Variants in TMEFF2 observed in about 807,000 individuals in gnomAD.
TMEFF2 encodes the protein tomoregulin-2.
TMEFF2 carries 28 observed loss-of-function variants against 53.8 expected under a neutral mutation model. The ratio of observed to expected loss-of-function variants is 0.52; its 90% CI spans 0.39 to 0.71. The LOEUF (loss-of-function observed/expected upper bound fraction) is 0.71. Ranked by LOEUF, TMEFF2 falls within the 30% of genes least tolerant of loss-of-function variation. TMEFF2 has a pLI of 0.00. For missense variants in TMEFF2, 353 were observed against 455.2 expected (o/e 0.78, Z 2.04); for synonymous variants, 162 against 166.3 (o/e 0.97, Z 0.20).
At chr2:192,037,629 GAGAA>G (rs1223545743) in intron 5 of TMEFF2, among the ~76,000 whole-genome samples, 12 of 26,316 alleles carry the variant, frequency 4.6e-4, no homozygotes, top group South Asian at 0.012. Context: ...AGAGAGAGGA[GAGAA>G]AGAGAGAGAA....
At position 192,037,270 on chromosome 2, in the gene TMEFF2, AAAT is replaced by A. The variant is rs747170648; in HGVS notation, c.536+20406_536+20408del. The stretch of plus-strand genomic sequence containing the variant: ...CAGAATGCACTTCTAAGACTAGCCA[AAAT>A]AAAGAAAGAAAGAAAGAAAGAAAGA... On this transcript the variant is annotated intron_variant, in intron 5 of 9. Coordinates refer to ENST00000272771, the MANE Select transcript of TMEFF2 (RefSeq NM_016192.4). 630 of 114,728 alleles carry A rather than the reference AAAT, an allele frequency of 5.5e-3. 4 individuals carry two copies. Among genetic ancestry groups the A allele is most frequent in the Admixed American group, 8.6e-3 (87 of 10,120 alleles). 7.1% of individuals were successfully genotyped at this position (114,728 alleles called of 1,614,324 possible).
At position 192,005,562 on chromosome 2, in the gene TMEFF2, C is replaced by T. The variant is rs115556796; in HGVS notation, c.537-6354G>A. The stretch of plus-strand genomic sequence containing the variant: ...GTGTCCATTCCGTATTTTGACCATA[C>T]AATATTCCTAGTTAGTTTCAAAGCA... On this transcript the variant is annotated intron_variant, in intron 5 of 9. Coordinates refer to ENST00000272771, the MANE Select transcript of TMEFF2 (RefSeq NM_016192.4). 4.2e-3 allele frequency among the ~76,000 whole-genome samples: 645 copies of T among 152,254 alleles called. 2 individuals are homozygous for T. Among genetic ancestry groups the T allele is most frequent in the African/African-American group, 0.015 (611 of 41,546 alleles).
At chr2:192,114,982 A>T (rs1689367459) in intron 4 of TMEFF2, among the ~76,000 whole-genome samples, 1 of 151,962 alleles carries the variant, frequency 6.6e-6, no homozygotes, top group African/African-American at 2.4e-5. Flanking sequence ...AATCTTTGTC[A>T]ACTAAATATT....
At chr2:192,140,951 T>A (rs1267718963) in intron 4 of TMEFF2, among the ~76,000 whole-genome samples, 1 of 152,102 alleles carries the variant, frequency 6.6e-6, no homozygotes, top group East Asian at 1.9e-4. Context: ...TATGGAGCAT[T>A]TACTATGTGA....
At chr2:192,107,580 C>T (rs900037408) in intron 4 of TMEFF2, among the ~76,000 whole-genome samples, 5 of 151,682 alleles carry the variant, frequency 3.3e-5, no homozygotes, top group African/African-American at 1.2e-4. Context: ...CCAATTTATA[C>T]AATCTCTAGA....
intron 3 of TMEFF2, among the ~76,000 whole-genome samples, chr2:192,182,669 T>G (rs979249057): frequency 6.6e-6 from 1 of 151,948 alleles, no homozygotes; most frequent in Admixed American, 6.6e-5. Flanking sequence ...GTCTGTTTAT[T>G]ATAACAATTG....
intron 5 of TMEFF2, among the ~76,000 whole-genome samples, chr2:192,001,749 G>A (rs1444678558): frequency 4.7e-5 from 4 of 85,412 alleles, no homozygotes; most frequent in South Asian, 5.1e-4. Context: ...CTTGTCTGCT[G>A]CCACACCTTT....
chr2:192,094,198 GTC>G (rs1688853073), intron 4 of TMEFF2, among the ~76,000 whole-genome samples: 1 of 152,140 alleles, frequency 6.6e-6, no homozygotes, highest in African/African-American at 2.4e-5. Flanking sequence ...AAGTTTTTGA[GTC>G]TGTCAGCTTA....
Position 192,194,452 on chromosome 2 carries a change from G to A in TMEFF2, c.73C>T (p.Leu25=). The A allele has an allele frequency of 1.9e-6, 3 of 1,614,136 alleles. No individual in the cohort carries two copies. The highest frequency in any genetic ancestry group is 2.5e-6 in the Non-Finnish European group (3 of 1,180,026). ...GCTACGATGAGTAGCATGACGGGCAGCAGCAGCAGCCAGCAAAAGCCCTCG... is the reference window on the plus strand; with the variant it reads ...GCTACGATGAGTAGCATGACGGGCAACAGCAGCAGCCAGCAAAAGCCCTCG... The part of the protein sequence containing the change: ...LCEGFCWLLL[L]PVMLLIVARP... The change falls in exon 1 of 10, where the codon CTG becomes TTG. Residue 25 remains leucine (L), a synonymous_variant. Transcript: ENST00000272771. The surrounding 1 kb of genome is among the most constrained non-coding windows in gnomAD (Gnocchi z 4.2).
At chr2:192,063,485 AT>A (rs1239346090) in intron 4 of TMEFF2, among the ~76,000 whole-genome samples, 2 of 151,800 alleles carry the variant, frequency 1.3e-5, no homozygotes, top group Admixed American at 1.3e-4. Flanking sequence ...GGATATGTCT[AT>A]CTTTTTGAGT....
chr2:191,976,780 G>A (rs969453731), intron 7 of TMEFF2, among the ~76,000 whole-genome samples: 1 of 152,186 alleles, frequency 6.6e-6, no homozygotes, highest in Admixed American at 6.5e-5. Context: ...GGGGAGTGAA[G>A]ACCTCCATTT....
At chr2:192,054,413 C>T (rs1452963788) in intron 5 of TMEFF2, among the ~76,000 whole-genome samples, 3 of 152,106 alleles carry the variant, frequency 2.0e-5, no homozygotes, top group Admixed American at 6.6e-5. Flanking sequence ...CTTTGTCCTT[C>T]TCCTTGTCTC....
At chr2:191,958,676 TG>T (rs1574244042) in intron 7 of TMEFF2, among the ~76,000 whole-genome samples, 1 of 152,172 alleles carries the variant, frequency 6.6e-6, no homozygotes, top group East Asian at 1.9e-4. Context: ...GGTGATCACA[TG>T]GGTAGGGAAT....
intron 4 of TMEFF2, 98 bp downstream of exon 4, chr2:192,179,570 A>G (rs767907085): frequency 7.4e-7 from 1 of 1,349,336 alleles, no homozygotes; most frequent in South Asian, 1.5e-5. Flanking sequence ...GCAAAATATG[A>G]AATTTGTCTT....
intron 4 of TMEFF2, among the ~76,000 whole-genome samples, chr2:192,093,401 A>G (rs746378197): frequency 4.1e-4 from 44 of 108,438 alleles, no homozygotes; most frequent in Non-Finnish European, 7.6e-4. Flanking sequence ...TTTGTCCACA[A>G]AAGAGCGTTC....
At chr2:192,160,328 A>T (rs369531239) in intron 4 of TMEFF2, among the ~76,000 whole-genome samples, 1 of 152,176 alleles carries the variant, frequency 6.6e-6, no homozygotes, top group Admixed American at 6.5e-5. Flanking sequence ...TTTTTGCAAT[A>T]TCTGTACTGT....
chr2:192,029,867 C>T (rs952997854), intron 5 of TMEFF2, among the ~76,000 whole-genome samples: 7 of 152,182 alleles, frequency 4.6e-5, no homozygotes, highest in African/African-American at 1.7e-4. Flanking sequence ...GCACTGTGTA[C>T]ATTTTTGAAA....
chr2:192,186,857 T>G (rs1691327522), intron 2 of TMEFF2, among the ~76,000 whole-genome samples: 1 of 152,130 alleles, frequency 6.6e-6, no homozygotes, highest in African/African-American at 2.4e-5. Context: ...GTATTTATTA[T>G]CTCTCCCAAG....
chr2:192,096,518 GAAT>G (rs1182172435), intron 4 of TMEFF2, among the ~76,000 whole-genome samples: 2 of 151,670 alleles, frequency 1.3e-5, no homozygotes, highest in Admixed American at 6.6e-5. Flanking sequence ...CCATTATTCT[GAAT>G]ATTATTTTAA....
Sources: gnomAD v4.1 joint callset for allele counts (sites outside exome capture counted in the v4.1 genomes callset) on GRCh38, gnomAD v4.1.1 for gene constraint, Gnocchi (gnomAD v3.1) non-coding constraint, MANE v1.5 for transcripts, NCBI Gene and HGNC (gene_info 2026-07-23, HGNC 2026-07-21) for gene names.